Variants in SYNE2 observed in about 807,000 individuals in gnomAD.
SYNE2 encodes the protein nesprin-2.
A neutral mutation model predicts 856.3 loss-of-function variants in SYNE2; 431 were observed. The observed-to-expected ratio is 0.50, with a 90% CI of 0.47 to 0.55. SYNE2 has a LOEUF of 0.55. Among genes scored for constraint, SYNE2 ranks in the 20% least tolerant of loss-of-function variants. The pLI is 0.00. For synonymous variants in SYNE2, 2,923 were observed against 2,872.3 expected (o/e 1.02, Z -0.56); for missense variants, 8,129 against 8,023.2 (o/e 1.01, Z -0.50).
intron 1 of SYNE2, among the ~76,000 whole-genome samples, chr14:63,820,825 C>A (rs1414812468): frequency 6.6e-6 from 1 of 151,022 alleles, no homozygotes; most frequent in Non-Finnish European, 1.5e-5. Flanking sequence ...TCTCCTCTTA[C>A]TGCAACCTCT....
intron 11 of SYNE2, among the ~76,000 whole-genome samples, chr14:63,973,256 G>GA (rs1046122775): frequency 1.3e-5 from 2 of 151,548 alleles, no homozygotes; most frequent in Non-Finnish European, 2.9e-5. Flanking sequence ...AAAACAAAAA[G>GA]AAAAAAAATT....
intron 27 of SYNE2, among the ~76,000 whole-genome samples, chr14:63,999,465 T>C (rs993388005): frequency 3.9e-5 from 6 of 152,208 alleles, no homozygotes; most frequent in African/African-American, 1.4e-4. Flanking sequence ...TACCAAATTA[T>C]CACATTGTCT....
chr14:63,792,550 G>A (rs1887770841), intron 1 of SYNE2, among the ~76,000 whole-genome samples: 1 of 152,044 alleles, frequency 6.6e-6, no homozygotes, highest in African/African-American at 2.4e-5. Context: ...GCAAAACTCT[G>A]TCTCCAAAGA....
At position 64,128,532 on chromosome 14, in the gene SYNE2, G is replaced by C. The variant is rs771593720; in HGVS notation, c.13998G>C (p.Gln4666His). ...AGTCTTTGAATGAAATCAGTGGGCA[G>C]AGTGTTGCTGAACAGCTTCAGGTAA... ...LQQSLNEISG[Q>H]SVAEQLQKAD... is the part of the protein sequence containing the mutation. The change falls in exon 74 of 116, where the codon CAG (glutamine) becomes CAC (histidine). Residue 4666 changes from glutamine (Q) to histidine (H), a missense_variant. Gln to His is a conservative substitution (Grantham distance 24). This residue lies in a region of SYNE2 where 5,410 missense variants were observed against 5,284.8 expected (regional missense o/e 1.02). Coordinates refer to ENST00000555002, the MANE Select transcript of SYNE2 (RefSeq NM_182914.3). 1.2e-6 allele frequency: 2 copies of C among 1,608,304 alleles called. No homozygotes were observed. Among genetic ancestry groups the C allele is most frequent in the South Asian group, 2.2e-5 (2 of 90,980 alleles).
chr14:64,147,651 TAGCA>T (rs2036973819), intron 84 of SYNE2, among the ~76,000 whole-genome samples: 1 of 152,198 alleles, frequency 6.6e-6, no homozygotes, highest in East Asian at 1.9e-4. Flanking sequence ...AAACATAGAT[TAGCA>T]AGCAAGCACT....
At chr14:63,842,446 C>A (rs552362871) in intron 1 of SYNE2, among the ~76,000 whole-genome samples, 57 of 140,660 alleles carry the variant, frequency 4.1e-4, no homozygotes, top group African/African-American at 1.4e-3. Context: ...GCCCTTTTGC[C>A]CATTTTTCTT....
At chr14:64,152,342 C>T (rs1470964781) in intron 84 of SYNE2, among the ~76,000 whole-genome samples, 2 of 152,054 alleles carry the variant, frequency 1.3e-5, no homozygotes, top group Admixed American at 6.6e-5. Context: ...TCTGCTCTGC[C>T]ATGATGGTTC....
chr14:64,130,221 G>A lies in SYNE2; in HGVS notation c.14313G>A (p.Ala4771=), dbSNP rs148690779. 47 of 1,613,250 alleles carry A rather than the reference G, an allele frequency of 2.9e-5. No homozygotes were observed. The highest frequency in any genetic ancestry group is 2.9e-4 in the East Asian group (13 of 44,786). ...GHLKQTKSKV[A]LQAQIENHKV... is the part of the protein sequence containing the mutation. ...TAAAACAAACCAAAAGTAAAGTGGCGTTACAGGCTCAAATAGAAAATCACA... is the reference window on the plus strand; with the variant it reads ...TAAAACAAACCAAAAGTAAAGTGGCATTACAGGCTCAAATAGAAAATCACA... The change falls in exon 76 of 116, where the codon GCG becomes GCA. Residue 4771 remains alanine, a synonymous_variant. Transcript: ENST00000555002.
At chr14:63,957,656 A>C (rs180858095) in intron 8 of SYNE2, among the ~76,000 whole-genome samples, 3,010 of 151,808 alleles carry the variant, frequency 0.02, 116 homozygotes, top group African/African-American at 0.069. Context: ...ATCATGAGGG[A>C]AGGAGTTCAA....
intron 62 of SYNE2, chr14:64,098,526 AGG>A (rs1217853342): frequency 1.6e-6 from 1 of 610,110 alleles, no homozygotes; most frequent in Non-Finnish European, 2.9e-6. Context: ...TCGTTTATGA[AGG>A]GGCACAGGGG....
chr14:64,137,743 T>G (rs1232497868), intron 78 of SYNE2, 44 bp from the exon 79 acceptor site: 2 of 1,604,092 alleles, frequency 1.2e-6, no homozygotes, highest in African/African-American at 1.3e-5. Context: ...CTTGGCAGAC[T>G]TTATTTTCTA....
chr14:63,781,373 G>A lies in SYNE2; in HGVS notation c.-305+19387G>A, dbSNP rs1019115322. The stretch of plus-strand genomic sequence containing the variant: ...AGTATAAATAAATATTGAAATTCAT[G>A]AGATTTGCTTTCCACAGTAGTATGA... On this transcript the variant is annotated intron_variant, in intron 1 of 23. Transcript: ENST00000674003. Among the ~76,000 whole-genome samples the A allele has an allele frequency of 2.6e-4, 39 of 151,998 alleles. 1 individual carries two copies. Among genetic ancestry groups the A allele is most frequent in the African/African-American group, 9.2e-4 (38 of 41,504 alleles).
At chr14:64,218,552 A>G (rs1332429821) in intron 109 of SYNE2, 40 bp downstream of exon 109, 4 of 1,588,752 alleles carry the variant, frequency 2.5e-6, no homozygotes, top group East Asian at 4.5e-5. Flanking sequence ...GAGGCAGAGT[A>G]TGGTATTTAA....
At chr14:64,183,602 C>T (rs556859825) in intron 96 of SYNE2, among the ~76,000 whole-genome samples, 1 of 152,176 alleles carries the variant, frequency 6.6e-6, no homozygotes, top group Non-Finnish European at 1.5e-5. Context: ...CGAGATCACG[C>T]CACTGCACTC....
rs1234212785 is a variant in SYNE2, at chr14:64,167,576, A to G, written c.16842A>G (p.Glu5614=). 1 of 1,614,136 alleles carries G rather than the reference A, an allele frequency of 6.2e-7. No individual in the cohort carries two copies. The highest frequency in any genetic ancestry group is 1.3e-5 in the African/African-American group (1 of 74,956). ...TCCAACTTTTGGAGAAGATAGAAGAAGCACTCAAAGTGGATGTGGCTAACA... is the reference window on the plus strand; with the variant it reads ...TCCAACTTTTGGAGAAGATAGAAGAGGCACTCAAAGTGGATGTGGCTAACA... ...KWIQLLEKIE[E]ALKVDVANSL... Residue 5614 remains glutamate, a synonymous_variant, in exon 92 of 116, where the codon GAA becomes GAG. Transcript: ENST00000555002.
intron 1 of SYNE2, among the ~76,000 whole-genome samples, chr14:63,831,158 A>G (rs1371020285): frequency 6.6e-6 from 1 of 151,854 alleles, no homozygotes; most frequent in African/African-American, 2.4e-5. Context: ...TTTATTTTTG[A>G]ATCTCTATTT....
intron 1 of SYNE2, among the ~76,000 whole-genome samples, chr14:63,856,858 A>C (rs767032928): frequency 6.6e-6 from 1 of 151,932 alleles, no homozygotes; most frequent in African/African-American, 2.4e-5. Context: ...TGTAGCCTCT[A>C]CCTCCTGGGC....
intron 45 of SYNE2, among the ~76,000 whole-genome samples, chr14:64,036,446 G>A (rs559763027): frequency 2.0e-4 from 31 of 151,882 alleles, no homozygotes; most frequent in Non-Finnish European, 3.5e-4. Context: ...CCACCACACC[G>A]GCTAATTTTT....
chr14:64,153,356 C>T (rs1339568497), intron 85 of SYNE2, among the ~76,000 whole-genome samples: 1 of 152,158 alleles, frequency 6.6e-6, no homozygotes, highest in Non-Finnish European at 1.5e-5. Context: ...AGGAAGAGAA[C>T]TAAAAATACT....
Sources: gnomAD v4.1 joint callset for allele counts (sites outside exome capture counted in the v4.1 genomes callset) on GRCh38, gnomAD v4.1.1 for gene constraint, gnomAD v4.1.1 regional missense constraint, MANE v1.5 for transcripts, NCBI Gene and HGNC (gene_info 2026-07-23, HGNC 2026-07-21) for gene names.